The following DEFB4A variants were observed in gnomAD, a reference collection of about 807,000 sequenced individuals.
DEFB4A encodes defensin beta 4A.
In DEFB4A at chr8:7,895,047, C is replaced by T. The variant is rs952952719; in HGVS notation, c.58+277C>T. Among the ~76,000 whole-genome samples, 6 of 102,002 alleles carry T rather than the reference C, an allele frequency of 5.9e-5. 1 individual carries two copies. The highest frequency in any genetic ancestry group is 2.2e-4 in the African/African-American group (6 of 26,732). 66.9% of individuals were successfully genotyped at this position (102,002 alleles called of 152,430 possible). A position where few individuals can be genotyped will look rare whatever the true frequency, so the allele number is the denominator to read the frequency against. On this transcript the variant is annotated intron_variant, in intron 1 of 1. Transcript: ENST00000302247. Reference sequence around the variant, plus strand: ...TTTTAGACTGAGTAGACTGAATGCCCTATTTAATTGAACCAAGCATTGCTT... The same window carrying T: ...TTTTAGACTGAGTAGACTGAATGCCTTATTTAATTGAACCAAGCATTGCTT...
At chr8:7,895,083 A>G (rs1489273113) in intron 1 of DEFB4A, among the ~76,000 whole-genome samples, 1 of 102,178 alleles carries the variant, frequency 9.8e-6, no homozygotes. Flanking sequence ...CCTTCAATAG[A>G]AAAGGAGTTT....
intron 1 of DEFB4A, among the ~76,000 whole-genome samples, chr8:7,894,984 G>A (rs1818984239): frequency 1.8e-5 from 2 of 110,332 alleles, no homozygotes; most frequent in Admixed American, 1.8e-4. Flanking sequence ...CCTAGAGCAT[G>A]TCTTTCTTTC....
Position 7,896,178 on chromosome 8 carries a change from C to G in DEFB4A, c.59-296C>G, listed in dbSNP as rs1406732680. On this transcript the variant is annotated intron_variant, in intron 1 of 1. Transcript: ENST00000302247. ...ATTCACAAGAGATCGTTGCTGAGCT[C>G]CTGCCAGACCCCACCTGGAGGCCCC... Among the ~76,000 whole-genome samples, 4 of 101,630 alleles carry G rather than the reference C, an allele frequency of 3.9e-5. 1 individual carries two copies. The highest frequency in any genetic ancestry group is 3.9e-4 in the Admixed American group (4 of 10,388). The allele number at this position is 101,630 out of a possible 152,430, so 66.7% of individuals were successfully genotyped here. A position where few individuals can be genotyped will look rare whatever the true frequency, so the allele number is the denominator to read the frequency against.
At chr8:7,895,950 T>A (rs1176314808) in intron 1 of DEFB4A, among the ~76,000 whole-genome samples, 1 of 101,398 alleles carries the variant, frequency 9.9e-6, no homozygotes, top group Non-Finnish European at 2.2e-5. Flanking sequence ...AATTTATTTC[T>A]ATGGTTAATT....
chr8:7,896,283 T>C lies in DEFB4A; in HGVS notation c.59-191T>C, dbSNP rs867599631. Among the ~76,000 whole-genome samples, 6 of 78,920 alleles carry C rather than the reference T, an allele frequency of 7.6e-5. 1 individual carries two copies. Among genetic ancestry groups the C allele is most frequent in the Non-Finnish European group, 1.6e-4 (6 of 36,532 alleles). 51.8% of individuals were successfully genotyped at this position (78,920 alleles called of 152,430 possible). ...TCCCCCAAACCACAGCAGTGCCAGT[T>C]TCCATGTCAGAAACTTAGATCCAAA... On this transcript the variant is annotated intron_variant, in intron 1 of 1. Coordinates refer to ENST00000302247, the MANE Select transcript of DEFB4A (RefSeq NM_004942.4).
Position 7,895,358 on chromosome 8 carries a change from C to T in DEFB4A, c.58+588C>T, listed in dbSNP as rs537328601. Among the ~76,000 whole-genome samples the T allele has an allele frequency of 5.0e-4, 48 of 95,272 alleles. 14 individuals are homozygous for T. Among genetic ancestry groups the T allele is most frequent in the Non-Finnish European group, 6.6e-4 (30 of 45,580 alleles). 62.5% of individuals were successfully genotyped at this position (95,272 alleles called of 152,430 possible). A position where few individuals can be genotyped will look rare whatever the true frequency, so the allele number is the denominator to read the frequency against. On this transcript the variant is annotated intron_variant, in intron 1 of 1. Transcript: ENST00000302247. The stretch of plus-strand genomic sequence containing the variant: ...AGATAATCTTAAGGCCCAGCCTATA[C>T]TGTGAGAACTACTGCAGCAGACACT...
intron 1 of DEFB4A, among the ~76,000 whole-genome samples, chr8:7,896,092 C>T (rs2128934880): frequency 9.8e-6 from 1 of 102,180 alleles, no homozygotes; most frequent in African/African-American, 3.5e-5. Context: ...AGTTTACTGG[C>T]TTGTGTGTGT....
In DEFB4A at chr8:7,895,274, G is replaced by T. The variant is rs1818989932; in HGVS notation, c.58+504G>T. On this transcript the variant is annotated intron_variant, in intron 1 of 1. Coordinates refer to ENST00000302247, the MANE Select transcript of DEFB4A (RefSeq NM_004942.4). Reference sequence around the variant, plus strand: ...GATTTTATCTAAAGAAAGTAGTATAGAATGTCATTTTCTAAATTTTTATAT... The same window carrying T: ...GATTTTATCTAAAGAAAGTAGTATATAATGTCATTTTCTAAATTTTTATAT... 5.9e-5 allele frequency among the ~76,000 whole-genome samples: 6 copies of T among 101,446 alleles called. 1 individual carries two copies. In the South Asian group the frequency reaches 2.2e-3, roughly 37 times the overall value. The allele number at this position is 101,446 out of a possible 152,430, so 66.6% of individuals were successfully genotyped here.
rs183458942 is a variant in DEFB4A at position 7,895,069 on chromosome 8, G to A, written c.58+299G>A. Among the ~76,000 whole-genome samples the A allele has an allele frequency of 2.1e-4, 21 of 101,082 alleles. 6 individuals carry two copies. 66.3% of individuals were successfully genotyped at this position (101,082 alleles called of 152,430 possible). ...GCCCTATTTAATTGAACCAAGCATT[G>A]CTTCCTTCAATAGAAAAGGAGTTTG... On this transcript the variant is annotated intron_variant, in intron 1 of 1. Transcript: ENST00000302247.
chr8:7,894,994 C>G (rs1420287782), intron 1 of DEFB4A, among the ~76,000 whole-genome samples: 1 of 106,958 alleles, frequency 9.3e-6, no homozygotes, highest in Non-Finnish European at 2.0e-5. Flanking sequence ...GTCTTTCTTT[C>G]TTTCTCTTTC....
Position 7,896,099 on chromosome 8 carries a change from G to A in DEFB4A, c.59-375G>A, listed in dbSNP as rs1819003015. Among the ~76,000 whole-genome samples, 2 of 102,270 alleles carry A rather than the reference G, an allele frequency of 2.0e-5. 1 individual carries two copies. Among genetic ancestry groups the A allele is most frequent in the African/African-American group, 6.9e-5 (2 of 28,802 alleles). The allele number at this position is 102,270 out of a possible 152,430, so 67.1% of individuals were successfully genotyped here. A position where few individuals can be genotyped will look rare whatever the true frequency, so the allele number is the denominator to read the frequency against. ...AAAGCAAAAGTTTACTGGCTTGTGT[G>A]TGTTAAAATGGAGGTATGGTGGCTT... On this transcript the variant is annotated intron_variant, in intron 1 of 1. Coordinates refer to ENST00000302247, the MANE Select transcript of DEFB4A (RefSeq NM_004942.4).
At position 7,896,154 on chromosome 8, in the gene DEFB4A, T is replaced by A. The variant is rs1819003958; in HGVS notation, c.59-320T>A. ...ATTATCTTCTTGTGGTGGAGCTGAA[T>A]TCACAAGAGATCGTTGCTGAGCTCC... is the stretch of plus-strand genomic sequence containing the variant. On this transcript the variant is annotated intron_variant, in intron 1 of 1. Transcript: ENST00000302247. Among the ~76,000 whole-genome samples, 3 of 101,856 alleles carry A rather than the reference T, an allele frequency of 2.9e-5. 1 individual carries two copies. The highest frequency in any genetic ancestry group is 4.3e-5 in the Non-Finnish European group (2 of 46,270). 66.8% of individuals were successfully genotyped at this position (101,856 alleles called of 152,430 possible). A position where few individuals can be genotyped will look rare whatever the true frequency, so the allele number is the denominator to read the frequency against.
intron 1 of DEFB4A, among the ~76,000 whole-genome samples, chr8:7,895,766 C>T (rs1255605758): frequency 3.2e-5 from 2 of 61,588 alleles, no homozygotes; most frequent in African/African-American, 6.1e-5. Context: ...TGAAGGAAGG[C>T]GGGGAGGCAG....
At chr8:7,895,813 GGGAGGGAGGGAA>G (rs1212542745) in intron 1 of DEFB4A, among the ~76,000 whole-genome samples, 1 of 42,894 alleles carries the variant, frequency 2.3e-5, no homozygotes, top group Admixed American at 2.1e-4. Context: ...GGGGGAGGGA[GGGAGGGAGGGAA>G]GGAGGGAAGG....
Position 7,896,166 on chromosome 8 carries a change from C to A in DEFB4A, c.59-308C>A, listed in dbSNP as rs1360623169. 6.9e-5 allele frequency among the ~76,000 whole-genome samples: 7 copies of A among 101,718 alleles called. 3 individuals carry two copies. Among genetic ancestry groups the A allele is most frequent in the Non-Finnish European group, 1.3e-4 (6 of 46,226 alleles). The allele number at this position is 101,718 out of a possible 152,430, so 66.7% of individuals were successfully genotyped here. A position where few individuals can be genotyped will look rare whatever the true frequency, so the allele number is the denominator to read the frequency against. ...TGGTGGAGCTGAATTCACAAGAGAT[C>A]GTTGCTGAGCTCCTGCCAGACCCCA... On this transcript the variant is annotated intron_variant, in intron 1 of 1. Transcript: ENST00000302247.
intron 1 of DEFB4A, among the ~76,000 whole-genome samples, 178 bp downstream of exon 1, chr8:7,894,948 T>G (rs1274803660): frequency 8.2e-6 from 1 of 122,684 alleles, no homozygotes; most frequent in African/African-American, 3.1e-5. Flanking sequence ...CTCTCTCTTT[T>G]TTTCTGTCTT....
At position 7,895,193 on chromosome 8, in the gene DEFB4A, C is replaced by G. The variant is rs1412342450; in HGVS notation, c.58+423C>G. ...TTCACTGCTTTCCATGCTACAACTGCTGAGACTATGGTTGAAACCTGTTAG... is the reference window on the plus strand; with the variant it reads ...TTCACTGCTTTCCATGCTACAACTGGTGAGACTATGGTTGAAACCTGTTAG... On this transcript the variant is annotated intron_variant, in intron 1 of 1. Transcript: ENST00000302247. Among the ~76,000 whole-genome samples the G allele has an allele frequency of 4.9e-5, 5 of 101,400 alleles. 2 individuals carry two copies. The highest frequency in any genetic ancestry group is 1.5e-4 in the African/African-American group (4 of 25,942). The allele number at this position is 101,400 out of a possible 152,430, so 66.5% of individuals were successfully genotyped here. A position where few individuals can be genotyped will look rare whatever the true frequency, so the allele number is the denominator to read the frequency against.
rs1217610402 is a variant in DEFB4A at position 7,895,886 on chromosome 8, AAAG to A, written c.59-582_59-580del. On this transcript the variant is annotated intron_variant, in intron 1 of 1. Coordinates refer to ENST00000302247, the MANE Select transcript of DEFB4A (RefSeq NM_004942.4). ...AGGAGGGAGGGAGGGAGGGAAACAAAAAGAAGAATGAGGTTGAAACCAGGACTT... is the reference window on the plus strand; with the variant it reads ...AGGAGGGAGGGAGGGAGGGAAACAAAAAGAATGAGGTTGAAACCAGGACTT... Among the ~76,000 whole-genome samples the A allele has an allele frequency of 3.6e-5, 3 of 83,814 alleles. 1 individual carries two copies. The highest frequency in any genetic ancestry group is 1.1e-3 in the East Asian group (2 of 1,882). The allele number at this position is 83,814 out of a possible 152,430, so 55.0% of individuals were successfully genotyped here.
chr8:7,895,422 A>T lies in DEFB4A; in HGVS notation c.58+652A>T, dbSNP rs1238691236. On this transcript the variant is annotated intron_variant, in intron 1 of 1. Transcript: ENST00000302247. ...TTTTCTGATCAGAGGCCCTGAGAAC[A>T]GTCCCTGCCACTAGGCCACTGCAGG... 7.1e-5 allele frequency among the ~76,000 whole-genome samples: 6 copies of T among 85,062 alleles called. 3 individuals are homozygous for T. The highest frequency in any genetic ancestry group is 1.5e-4 in the Non-Finnish European group (6 of 41,188). 55.8% of individuals were successfully genotyped at this position (85,062 alleles called of 152,430 possible).
Sources: gnomAD v4.1 joint callset for allele counts (sites outside exome capture counted in the v4.1 genomes callset) on GRCh38, gnomAD v4.1.1 for gene constraint, MANE v1.5 for transcripts, NCBI Gene and HGNC (gene_info 2026-07-23, HGNC 2026-07-21) for gene names.